Variants in MARCHF1 observed in about 807,000 individuals in gnomAD.
MARCHF1 encodes the protein membrane associated ring-CH-type finger 1, also known as E3 ubiquitin-protein ligase MARCHF1.
In MARCHF1, 40 loss-of-function variants were observed where a neutral mutation model predicts 54.2. The observed-to-expected ratio is 0.74, with a 90% confidence interval of 0.57 to 0.96. MARCHF1 has a LOEUF of 0.96. Ranked by LOEUF, MARCHF1 falls within the 40% of genes least tolerant of loss-of-function variation. MARCHF1 has a pLI of 0.00. For synonymous variants in MARCHF1, 236 were observed against 236.3 expected (o/e 1.00, Z 0.01); for missense variants, 586 against 656.5 (o/e 0.89, Z 1.17).
intron 1 of MARCHF1, among the ~76,000 whole-genome samples, chr4:164,369,052 G>A (rs1712880117): frequency 1.4e-5 from 2 of 147,560 alleles, no homozygotes; most frequent in East Asian, 4.1e-4. Context: ...CATCAGAGTT[G>A]TCCTATGACT....
At chr4:164,036,677 T>C (rs1754010608) in intron 2 of MARCHF1, among the ~76,000 whole-genome samples, 1 of 152,104 alleles carries the variant, frequency 6.6e-6, no homozygotes, top group Non-Finnish European at 1.5e-5. Flanking sequence ...AAAGCTAGAC[T>C]AATGGTAAGG....
chr4:164,099,327 C>A (rs1218722863), intron 2 of MARCHF1, among the ~76,000 whole-genome samples: 1 of 152,152 alleles, frequency 6.6e-6, no homozygotes, highest in South Asian at 2.1e-4. Flanking sequence ...AATGTTAGCA[C>A]TTTCAATGTT....
chr4:163,837,672 G>GAAAGCAAATTAACAAAATTA (rs1749227464), intron 4 of MARCHF1, among the ~76,000 whole-genome samples: 1 of 151,096 alleles, frequency 6.6e-6, no homozygotes, highest in African/African-American at 2.4e-5. Context: ...AAAATATAAA[G>GAAAGCAAATTAACAAAATTA]AAAACAAATT....
intron 3 of MARCHF1, among the ~76,000 whole-genome samples, chr4:163,929,356 G>A (rs1751604446): frequency 6.6e-6 from 1 of 151,982 alleles, no homozygotes; most frequent in Admixed American, 6.6e-5. Context: ...TTAAAGCAGT[G>A]CCTGTACAGA....
At chr4:163,959,236 T>C (rs1752290873) in intron 3 of MARCHF1, among the ~76,000 whole-genome samples, 1 of 151,704 alleles carries the variant, frequency 6.6e-6, no homozygotes, top group Admixed American at 6.6e-5. Context: ...TAAGCAGCTG[T>C]GCTAGTCTGC....
chr4:164,305,986 C>T (rs560957248), intron 1 of MARCHF1, among the ~76,000 whole-genome samples: 1 of 152,182 alleles, frequency 6.6e-6, no homozygotes, highest in South Asian at 2.1e-4. Context: ...TTGATACCAC[C>T]TTGAACTTTT....
chr4:163,958,244 AGTGTGTGT>A (rs58660279), intron 3 of MARCHF1, among the ~76,000 whole-genome samples: 3 of 148,464 alleles, frequency 2.0e-5, no homozygotes, highest in Admixed American at 6.7e-5. Context: ...CAATCAAGTG[AGTGTGTGT>A]GTGTGTGTGT....
intron 5 of MARCHF1, among the ~76,000 whole-genome samples, chr4:163,669,409 G>A (rs187743402): frequency 3.0e-4 from 45 of 152,194 alleles, no homozygotes; most frequent in African/African-American, 9.9e-4. Context: ...TGCAGGTGAC[G>A]TGAAGCACCA....
intron 3 of MARCHF1, among the ~76,000 whole-genome samples, chr4:163,976,017 C>T (rs934500777): frequency 2.0e-5 from 3 of 152,016 alleles, no homozygotes; most frequent in Non-Finnish European, 4.4e-5. Context: ...CAAGCCATAT[C>T]TTATTTAAAA....
chr4:163,700,573 G>T (rs1044610124), intron 5 of MARCHF1, among the ~76,000 whole-genome samples: 4 of 149,922 alleles, frequency 2.7e-5, no homozygotes, highest in African/African-American at 4.9e-5. Context: ...AGGAAGGAAG[G>T]AAGGAAGGAA....
At chr4:164,373,332 A>C (rs1731090046) in intron 1 of MARCHF1, among the ~76,000 whole-genome samples, 1 of 151,324 alleles carries the variant, frequency 6.6e-6, no homozygotes, top group Non-Finnish European at 1.5e-5. Context: ...CTTCCCATTA[A>C]AAATTAATGT....
At chr4:164,297,897 A>G (rs1734452042) in intron 1 of MARCHF1, among the ~76,000 whole-genome samples, 1 of 152,192 alleles carries the variant, frequency 6.6e-6, no homozygotes, top group Non-Finnish European at 1.5e-5. Context: ...AATTTACCTG[A>G]AGTAGACTTA....
intron 5 of MARCHF1, among the ~76,000 whole-genome samples, chr4:163,656,577 C>T (rs916034124): frequency 1.3e-5 from 2 of 152,002 alleles, no homozygotes; most frequent in African/African-American, 4.8e-5. Context: ...CATCCTGATA[C>T]CAAAACCTGG....
chr4:164,201,974 A>T (rs543271486), intron 1 of MARCHF1, among the ~76,000 whole-genome samples: 2 of 152,346 alleles, frequency 1.3e-5, no homozygotes, highest in South Asian at 4.1e-4. Flanking sequence ...CAATTAAACA[A>T]ATATTTATTG....
intron 3 of MARCHF1, among the ~76,000 whole-genome samples, chr4:163,938,565 C>G (rs1337128106): frequency 6.6e-6 from 1 of 152,196 alleles, no homozygotes; most frequent in Non-Finnish European, 1.5e-5. Context: ...CACTGAACAA[C>G]TATCTGGGTT....
At chr4:163,543,070 T>C (rs1738773857) in intron 9 of MARCHF1, among the ~76,000 whole-genome samples, 1 of 152,142 alleles carries the variant, frequency 6.6e-6, no homozygotes, top group Non-Finnish European at 1.5e-5. Flanking sequence ...TGGCTTCAAC[T>C]AGGTCACGGG....
At position 163,667,149 on chromosome 4, in the gene MARCHF1, TA is replaced by T. The variant is rs1005481617; in HGVS notation, c.162+33663del. Among the ~76,000 whole-genome samples, 11 of 151,930 alleles carry T rather than the reference TA, an allele frequency of 7.2e-5. No homozygotes were observed. In the South Asian group the frequency reaches 1.3e-3, roughly 17 times the overall value. The stretch of plus-strand genomic sequence containing the variant: ...AAGGCACATCATGAAGTTCTTTTTT[TA>T]AAAAAAAATTTATATTTTCAACTTT... On this transcript the variant is annotated intron_variant, in intron 5 of 9. Transcript: ENST00000514618.
At chr4:164,156,689 AAAG>A (rs1730085932) in intron 1 of MARCHF1, among the ~76,000 whole-genome samples, 1 of 152,146 alleles carries the variant, frequency 6.6e-6, no homozygotes, top group South Asian at 2.1e-4. Context: ...ACAGGCTCCC[AAAG>A]TGCTGGGATT....
intron 2 of MARCHF1, among the ~76,000 whole-genome samples, chr4:164,084,197 C>G (rs1755152358): frequency 6.6e-6 from 1 of 151,788 alleles, no homozygotes; most frequent in Admixed American, 6.6e-5. Flanking sequence ...TGGTTTTTCT[C>G]CTATCAAATT....
Sources: allele counts gnomAD v4.1 joint callset (sites outside exome capture counted in the v4.1 genomes callset), GRCh38; gene constraint gnomAD v4.1.1; transcripts MANE v1.5; gene names NCBI Gene and HGNC (gene_info 2026-07-23, HGNC 2026-07-21).